Variants in CALD1 observed in about 807,000 individuals in gnomAD.
The protein encoded by CALD1 is caldesmon 1, also known as caldesmon.
Under a neutral mutation model 99.9 loss-of-function variants are expected in CALD1, and 33 were observed. That is an observed-to-expected ratio of 0.33 (90% confidence interval 0.25 to 0.44). The LOEUF (loss-of-function observed/expected upper bound fraction) is 0.44, where lower values mean the gene tolerates loss of function less well. CALD1 is among the 20% of genes least tolerant of loss of function. The pLI is 1.00. For missense variants in CALD1, 861 were observed against 962.1 expected, an observed-to-expected ratio of 0.89 and a Z score of 1.39; for synonymous variants, 310 against 325.0, an observed-to-expected ratio of 0.95 and a Z score of 0.50.
chr7:134,937,636 CA>C (rs564323364), intron 6 of CALD1, among the ~76,000 whole-genome samples: 1,341 of 97,210 alleles, frequency 0.014, 10 homozygotes, highest in African/African-American at 0.033. Context: ...CCTTTTTGTA[CA>C]AAAAAAAAAA....
At chr7:134,821,280 T>C (rs998625398) in intron 1 of CALD1, among the ~76,000 whole-genome samples, 1 of 69,628 alleles carries the variant, frequency 1.4e-5, no homozygotes, top group Admixed American at 1.7e-4. Context: ...AGTCTTTTAG[T>C]TTTTTTCATA....
intron 2 of CALD1, among the ~76,000 whole-genome samples, chr7:134,867,377 A>G (rs1411051400): frequency 6.6e-6 from 1 of 152,192 alleles, no homozygotes; most frequent in African/African-American, 2.4e-5. Context: ...AGAAAGTTAC[A>G]AAGAGCAAAA....
intron 9 of CALD1, among the ~76,000 whole-genome samples, chr7:134,957,646 C>G (rs998204813): frequency 3.3e-5 from 5 of 152,152 alleles, no homozygotes; most frequent in Admixed American, 3.3e-4. Context: ...GTCTTGAACT[C>G]CTGACCTCAA....
At chr7:134,775,379 C>G (rs1392278079), upstream of CALD1, among the ~76,000 whole-genome samples, 1 of 152,108 alleles carries the variant, frequency 6.6e-6, no homozygotes, top group African/African-American at 2.4e-5. Context: ...ATTGTTTTGT[C>G]AAGTTCTACA....
chr7:134,764,060 A>T (rs915083855), intron 1 of CALD1, among the ~76,000 whole-genome samples: 5 of 152,162 alleles, frequency 3.3e-5, no homozygotes, highest in African/African-American at 1.2e-4. Flanking sequence ...ACATGTAACA[A>T]AGTGTCCCCA....
At chr7:134,920,463 T>G in intron 3 of CALD1, 1 of 1,025,686 alleles carries the variant, frequency 9.7e-7, no homozygotes. Flanking sequence ...TAAAAGTAAT[T>G]GACTAAGAAG....
chr7:134,957,088 T>C (rs1263888428), intron 9 of CALD1, among the ~76,000 whole-genome samples: 1 of 152,168 alleles, frequency 6.6e-6, no homozygotes, highest in East Asian at 1.9e-4. Context: ...ATTTCACACT[T>C]GGGCTAAGAG....
intron 7 of CALD1, among the ~76,000 whole-genome samples, chr7:134,946,808 G>A (rs1334583038): frequency 2.0e-5 from 3 of 151,736 alleles, no homozygotes; most frequent in Non-Finnish European, 4.4e-5. Flanking sequence ...AGCCTCCAGA[G>A]TAGCTGGGAC....
rs548260564 is a variant in CALD1, at chr7:134,783,833, G to A, written c.-130+4084G>A. ...GAGTGGAGGTGTCCATGATCTGGAA[G>A]GAAGAAAAGAGGGGGTAAATACACA... is the stretch of plus-strand genomic sequence containing the variant. On this transcript the variant is annotated intron_variant, in intron 1 of 14. Transcript: ENST00000361675. The surrounding 1 kb of genome is among the most constrained non-coding windows in gnomAD (Gnocchi z 4.3). 2.6e-4 allele frequency among the ~76,000 whole-genome samples: 39 copies of A among 152,266 alleles called. No individual in the cohort carries two copies. Among genetic ancestry groups the A allele is most frequent in the African/African-American group, 9.4e-4 (39 of 41,554 alleles).
chr7:134,932,922 C>A, intron 4 of CALD1, 66 bp from the exon 5 acceptor site: 4 of 1,100,984 alleles, frequency 3.6e-6, no homozygotes, highest in Non-Finnish European at 5.3e-6. Flanking sequence ...GTAGCACAGG[C>A]TGTATGAATG....
intron 3 of CALD1, among the ~76,000 whole-genome samples, chr7:134,904,235 T>A (rs567587599): frequency 6.6e-6 from 1 of 151,562 alleles, no homozygotes; most frequent in African/African-American, 2.4e-5. Flanking sequence ...AATAAGTAAA[T>A]AAATAAATAA....
At chr7:134,727,925 G>A in the CALD1 span, among the ~76,000 whole-genome samples, 10 of 152,268 alleles carry the variant, frequency 6.6e-5, no homozygotes, top group South Asian at 1.9e-3. Flanking sequence ...CTAATGAGTA[G>A]ATTTTAGTCA....
intron 1 of CALD1, among the ~76,000 whole-genome samples, chr7:134,828,385 G>A (rs1351611933): frequency 6.6e-6 from 1 of 152,194 alleles, no homozygotes; most frequent in African/African-American, 2.4e-5. Flanking sequence ...AGATTTTTAA[G>A]CTGGAAGACT....
chr7:134,910,969 A>G (rs1487587785), intron 3 of CALD1, among the ~76,000 whole-genome samples: 1 of 152,178 alleles, frequency 6.6e-6, no homozygotes, highest in Non-Finnish European at 1.5e-5. Flanking sequence ...GAACCTACCT[A>G]AGCAAACACT....
rs771713122 is a variant in CALD1, at chr7:134,841,358, C to G, written c.-129-2526C>G. Among the ~76,000 whole-genome samples the G allele has an allele frequency of 2.0e-5, 3 of 152,186 alleles. No individual in the cohort carries two copies. The South Asian group carries it at 6.2e-4, about 32-fold the overall frequency. On this transcript the variant is annotated intron_variant, in intron 1 of 14. Transcript: ENST00000361675. ...AATGTGTTATTATTACTAGCTCATTCTAACTAAAACCCATCGATCTATTTT... is the reference window on the plus strand; with the variant it reads ...AATGTGTTATTATTACTAGCTCATTGTAACTAAAACCCATCGATCTATTTT...
At chr7:134,967,423 A>G (rs752347439) in intron 14 of CALD1, among the ~76,000 whole-genome samples, 1 of 152,204 alleles carries the variant, frequency 6.6e-6, no homozygotes, top group Non-Finnish European at 1.5e-5. Flanking sequence ...GAAAATTGGA[A>G]TTCACAACAC....
intron 3 of CALD1, chr7:134,899,962 T>G (rs1460832305): frequency 3.3e-5 from 5 of 152,210 alleles, no homozygotes; most frequent in African/African-American, 1.2e-4. Flanking sequence ...GCTGATCTGT[T>G]TTAAAGGAAT....
intron 3 of CALD1, among the ~76,000 whole-genome samples, chr7:134,894,065 T>G (rs1160524967): frequency 6.6e-6 from 1 of 152,212 alleles, no homozygotes; most frequent in South Asian, 2.1e-4. Flanking sequence ...CCAGGGTGAC[T>G]GCACCTATAA....
chr7:134,728,540 A>G, the CALD1 span, among the ~76,000 whole-genome samples: 1 of 152,230 alleles, frequency 6.6e-6, no homozygotes, highest in Non-Finnish European at 1.5e-5. Context: ...CGATATACAG[A>G]GGAACATTTA....
Sources: allele counts gnomAD v4.1 joint callset (sites outside exome capture counted in the v4.1 genomes callset), GRCh38; gene constraint gnomAD v4.1.1; non-coding constraint Gnocchi (gnomAD v3.1); transcripts MANE v1.5; gene names NCBI Gene and HGNC (gene_info 2026-07-23, HGNC 2026-07-21).